ANKRD44: variants seen among roughly 807,000 people sequenced by gnomAD.
ANKRD44 encodes ankyrin repeat domain 44, also known as serine/threonine-protein phosphatase 6 regulatory ankyrin repeat subunit B.
Under a neutral mutation model 116.0 loss-of-function variants are expected in ANKRD44, and 35 were observed. That is an observed-to-expected ratio of 0.30 (90% CI 0.23 to 0.40). ANKRD44 has a LOEUF of 0.40. Ranked by LOEUF, ANKRD44 falls within the 10% of genes least tolerant of loss-of-function variation. ANKRD44 has a pLI of 1.00. For synonymous variants in ANKRD44, 435 were observed against 461.8 expected (o/e 0.94, Z 0.74); for missense variants, 1,014 against 1,242.6 (o/e 0.82, Z 2.77).
chr2:197,269,102 G>C (rs371130629), intron 1 of ANKRD44, among the ~76,000 whole-genome samples: 1 of 88,566 alleles, frequency 1.1e-5, no homozygotes, highest in East Asian at 5.5e-4. Context: ...TTTTTGATCT[G>C]GTTGCTACTC....
At chr2:197,122,207 C>A (rs907763114) in intron 7 of ANKRD44, among the ~76,000 whole-genome samples, 3 of 152,134 alleles carry the variant, frequency 2.0e-5, no homozygotes, top group Non-Finnish European at 4.4e-5. Context: ...GTTCCAGCCT[C>A]ACCACTGCTC....
At chr2:197,206,713 G>A (rs55701600) in intron 1 of ANKRD44, among the ~76,000 whole-genome samples, 33,416 of 152,032 alleles carry the variant, frequency 0.22, 3,889 homozygotes, top group Middle Eastern at 0.28. Flanking sequence ...AGACTCCTCC[G>A]TCTCAAAACA....
chr2:197,079,810 A>G (rs2077753051), intron 15 of ANKRD44, among the ~76,000 whole-genome samples: 1 of 152,270 alleles, frequency 6.6e-6, no homozygotes, highest in Non-Finnish European at 1.5e-5. Flanking sequence ...AAAACTATAA[A>G]TAGCATTTAC....
chr2:197,000,785 C>A (rs1290292058), intron 22 of ANKRD44, among the ~76,000 whole-genome samples: 1 of 152,050 alleles, frequency 6.6e-6, no homozygotes, highest in East Asian at 1.9e-4. Context: ...GATTTAAAAT[C>A]TTTCTGACCT....
At position 197,276,001 on chromosome 2, in the gene ANKRD44, C is replaced by T. The variant is rs181589570; in HGVS notation, c.27+34577G>A. ...TTTGTTCAGAACTTTACTAGCCGGG[C>T]GCAGTGGCTCACGCCTGTAATCCCA... is the stretch of plus-strand genomic sequence containing the variant. On this transcript the variant is annotated intron_variant, in intron 1 of 27. Coordinates refer to ENST00000282272, the MANE Select transcript of ANKRD44 (RefSeq NM_001195144.2). Among the ~76,000 whole-genome samples, 600 of 152,134 alleles carry T rather than the reference C, an allele frequency of 3.9e-3. 11 individuals carry two copies. The highest frequency in any genetic ancestry group is 0.015 in the Admixed American group (226 of 15,272).
intron 1 of ANKRD44, among the ~76,000 whole-genome samples, chr2:197,274,090 C>T (rs1196597733): frequency 6.9e-6 from 1 of 144,936 alleles, no homozygotes; most frequent in South Asian, 2.2e-4. Flanking sequence ...TGTCACTTCA[C>T]ACCAACCAAC....
At chr2:197,066,131 C>T (rs1238784316) in intron 16 of ANKRD44, among the ~76,000 whole-genome samples, 1 of 152,134 alleles carries the variant, frequency 6.6e-6, no homozygotes, top group African/African-American at 2.4e-5. Flanking sequence ...AAGGCTGGTT[C>T]AGTATACACA....
rs750218940 is a variant in ANKRD44 at position 197,099,868 on chromosome 2, C to T, written c.1048G>A (p.Gly350Ser). 2 of 1,614,144 alleles carry T rather than the reference C, an allele frequency of 1.2e-6. No individual in the cohort carries two copies. The highest frequency in any genetic ancestry group is 1.7e-6 in the Non-Finnish European group (2 of 1,180,028). The change falls in exon 10 of 28, where the codon GGT becomes AGT. Residue 350 changes from glycine to serine, a missense_variant. By Grantham distance (56) the Gly-to-Ser change is moderately conservative. Transcript: ENST00000282272. The part of the protein sequence containing the change: ...NTPLHVAARY[G>S]HELLINTLIT... ...AAGGTGTTAATCAAAAGCTCATGAC[C>T]GTATCTTGCAGCCACATGGAGAGGA...
At chr2:197,092,722 T>A (rs1316712085) in intron 10 of ANKRD44, among the ~76,000 whole-genome samples, 1 of 152,176 alleles carries the variant, frequency 6.6e-6, no homozygotes, top group Non-Finnish European at 1.5e-5. Context: ...CAAAAAAAAA[T>A]TCTGAAATGC....
intron 27 of ANKRD44, among the ~76,000 whole-genome samples, chr2:196,993,362 C>T (rs910744654): frequency 3.3e-5 from 5 of 152,218 alleles, no homozygotes; most frequent in African/African-American, 9.7e-5. Flanking sequence ...GCTGGCATTA[C>T]ATGCAAAATG....
chr2:197,053,508 A>G (rs1415483771), intron 16 of ANKRD44, among the ~76,000 whole-genome samples: 2 of 152,042 alleles, frequency 1.3e-5, no homozygotes, highest in African/African-American at 2.4e-5. Flanking sequence ...AAAAAAATGG[A>G]CTTTTGCTCT....
At chr2:197,303,027 C>A (rs1051400065) in intron 1 of ANKRD44, among the ~76,000 whole-genome samples, 2 of 152,200 alleles carry the variant, frequency 1.3e-5, no homozygotes, top group African/African-American at 4.8e-5. Context: ...TCTCAAAGAA[C>A]CACACTGAGA....
At chr2:197,124,471 T>C (rs1001444103) in intron 6 of ANKRD44, among the ~76,000 whole-genome samples, 2 of 152,220 alleles carry the variant, frequency 1.3e-5, no homozygotes, top group African/African-American at 4.8e-5. Context: ...TACAGATTTT[T>C]CAATGAAAAT....
chr2:197,300,013 CACAGAAGGGCCCATAAGGCA>C, intron 1 of ANKRD44, among the ~76,000 whole-genome samples: 1 of 152,254 alleles, frequency 6.6e-6, no homozygotes, highest in African/African-American at 2.4e-5. Context: ...GTATCATGGA[CACAGAAGGGCCCATAAGGCA>C]ACACCTTACT....
At chr2:197,257,129 C>T (rs866369889) in intron 1 of ANKRD44, among the ~76,000 whole-genome samples, 11 of 152,132 alleles carry the variant, frequency 7.2e-5, no homozygotes, top group African/African-American at 2.4e-4. Flanking sequence ...TTTCAGGTGC[C>T]TGAGCTTAAG....
intron 2 of ANKRD44, among the ~76,000 whole-genome samples, chr2:197,181,917 G>A (rs2080516021): frequency 1.3e-5 from 2 of 152,276 alleles, no homozygotes; most frequent in South Asian, 2.1e-4. Context: ...CTCCAAGTGT[G>A]AAACATCACC....
At chr2:196,996,145 G>A (rs2076007813) in intron 25 of ANKRD44, among the ~76,000 whole-genome samples, 1 of 152,346 alleles carries the variant, frequency 6.6e-6, no homozygotes, top group South Asian at 2.1e-4. Context: ...GTGCAGACCA[G>A]TCACATTAGT....
chr2:197,182,899 A>C (rs2080546132), intron 2 of ANKRD44, among the ~76,000 whole-genome samples: 1 of 152,178 alleles, frequency 6.6e-6, no homozygotes, highest in Non-Finnish European at 1.5e-5. Context: ...GAGCTGTGGG[A>C]GTTGAGGGTA....
chr2:197,089,878 A>C lies in ANKRD44; in HGVS notation c.1183+72T>G. 13 of 1,372,164 alleles carry C rather than the reference A, an allele frequency of 9.5e-6. No homozygotes were observed. In the South Asian group the frequency reaches 1.2e-4, roughly 13 times the overall value. The allele number at this position is 1,372,164 out of a possible 1,614,324, so 85.0% of individuals were successfully genotyped here. A position where few individuals can be genotyped will look rare whatever the true frequency, so the allele number is the denominator to read the frequency against. On this transcript the variant is annotated intron_variant, in intron 11 of 27. Transcript: ENST00000282272. ...GAAGCACAGGCAGCCACTCACTCTGACCAGACACCTGAAGCCATTGACTCA... is the reference window on the plus strand; with the variant it reads ...GAAGCACAGGCAGCCACTCACTCTGCCCAGACACCTGAAGCCATTGACTCA...
Sources: allele counts gnomAD v4.1 joint callset (sites outside exome capture counted in the v4.1 genomes callset), GRCh38; gene constraint gnomAD v4.1.1; transcripts MANE v1.5; gene names NCBI Gene and HGNC (gene_info 2026-07-23, HGNC 2026-07-21).